ABCB5: variants seen among roughly 807,000 people sequenced by gnomAD.
ABCB5 encodes ATP binding cassette subfamily B member 5.
Under a neutral mutation model 144.2 loss-of-function variants are expected in ABCB5, and 155 were observed. The ratio of observed to expected loss-of-function variants is 1.08; its 90% confidence interval spans 0.94 to 1.23. The LOEUF is 1.23. ABCB5 is among the 50% of genes most tolerant of loss of function. ABCB5 has a pLI of 0.00. For missense variants in ABCB5, 1,830 were observed against 1,520.8 expected (o/e 1.20, Z -3.38); for synonymous variants, 610 against 528.6 (o/e 1.15, Z -2.11).
At chr7:20,686,037 G>A (rs17817152) in intron 16 of ABCB5, among the ~76,000 whole-genome samples, 6,068 of 152,100 alleles carry the variant, frequency 0.04, 138 homozygotes, top group Middle Eastern at 0.068. Context: ...TTATATCAGA[G>A]GCCCTTCTTT....
At chr7:20,651,318 A>G (rs927179428) in intron 12 of ABCB5, 102 bp from the exon 13 acceptor site, 2 of 1,043,558 alleles carry the variant, frequency 1.9e-6, no homozygotes, top group Admixed American at 2.4e-5. Context: ...TTTGATTTCT[A>G]AAATATGCTA....
intron 21 of ABCB5, among the ~76,000 whole-genome samples, chr7:20,724,834 G>A (rs1398887819): frequency 4.6e-5 from 7 of 151,906 alleles, no homozygotes; most frequent in South Asian, 2.1e-4. Context: ...CTGTAATCTC[G>A]TTTGCCTGAG....
intron 14 of ABCB5, among the ~76,000 whole-genome samples, 172 bp downstream of exon 14, chr7:20,658,848 A>T (rs1422762442): frequency 6.6e-6 from 1 of 152,160 alleles, no homozygotes; most frequent in Non-Finnish European, 1.5e-5. Flanking sequence ...AGTGGTTTAG[A>T]GGACAGAAGG....
At chr7:20,726,959 G>T (rs1782056265) in intron 21 of ABCB5, 81 bp from the exon 22 acceptor site, 1 of 914,076 alleles carries the variant, frequency 1.1e-6, no homozygotes, top group South Asian at 2.0e-5. Context: ...TGTCCCCAGT[G>T]TGAGTGACTA....
chr7:20,731,369 A>AAAAAAAAAATATATATATATAT (rs57305244), intron 23 of ABCB5, among the ~76,000 whole-genome samples: 4 of 123,104 alleles, frequency 3.2e-5, no homozygotes, highest in African/African-American at 1.3e-4. Flanking sequence ...AAAAAAAAAA[A>AAAAAAAAAATATATATATATAT]ATATATATAT....
chr7:20,717,315 A>T (rs747624857), intron 20 of ABCB5, among the ~76,000 whole-genome samples: 19 of 152,284 alleles, frequency 1.2e-4, no homozygotes, highest in Non-Finnish European at 2.4e-4. Flanking sequence ...TAGAAGCCCA[A>T]GAACAAGATG....
At chr7:20,697,208 G>T (rs1786449439) in intron 16 of ABCB5, among the ~76,000 whole-genome samples, 1 of 152,112 alleles carries the variant, frequency 6.6e-6, no homozygotes, top group Non-Finnish European at 1.5e-5. Context: ...ATAAATGTGG[G>T]TTAGCCACCC....
intron 18 of ABCB5, 21 bp downstream of exon 18, chr7:20,699,950 C>G (rs529521181): frequency 6.9e-6 from 11 of 1,601,142 alleles, no homozygotes; most frequent in Non-Finnish European, 9.4e-6. Flanking sequence ...AATAAACAAG[C>G]CTGAGCATGA....
At position 20,643,269 on chromosome 7, in the gene ABCB5, C is replaced by G. The variant is rs141511940; in HGVS notation, c.400C>G (p.Arg134Gly). 6.2e-7 allele frequency: 1 copy of G among 1,613,750 alleles called. No individual in the cohort carries two copies. Among genetic ancestry groups the G allele is most frequent in the Admixed American group, 1.7e-5 (1 of 59,958 alleles). ...TTCCTTGTGGATTATAACTGCAGCACGACAGACCAAGAGGATTCGAAAACA... is the reference window on the plus strand; with the variant it reads ...TTCCTTGTGGATTATAACTGCAGCAGGACAGACCAAGAGGATTCGAAAACA... ...QISLWIITAA[R>G]QTKRIRKQFF... Residue 134 changes from arginine (R) to glycine (G), a missense_variant, in exon 6 of 28, where the codon CGA becomes GGA. By Grantham distance (125) the Arg-to-Gly change is moderately radical (BLOSUM62 -2). Transcript: ENST00000404938.
chr7:20,699,777 C>A (rs772868327), intron 17 of ABCB5, 48 bp from the exon 18 acceptor site: 2 of 1,296,206 alleles, frequency 1.5e-6, no homozygotes, highest in Non-Finnish European at 2.1e-6. Flanking sequence ...TTTTCTGTTT[C>A]TTTTATATTT....
intron 20 of ABCB5, among the ~76,000 whole-genome samples, chr7:20,707,710 A>T (rs1238323181): frequency 6.6e-6 from 1 of 151,998 alleles, no homozygotes; most frequent in Non-Finnish European, 1.5e-5. Flanking sequence ...AATAAATCGT[A>T]AACATTTATT....
At chr7:20,683,156 C>G (rs1159168421) in intron 15 of ABCB5, among the ~76,000 whole-genome samples, 1 of 152,116 alleles carries the variant, frequency 6.6e-6, no homozygotes, top group East Asian at 1.9e-4. Flanking sequence ...AAGTTTATAA[C>G]TTCAAATTTC....
intron 14 of ABCB5, among the ~76,000 whole-genome samples, chr7:20,668,590 T>TTGGG (rs1220263603): frequency 9.0e-6 from 1 of 110,840 alleles, no homozygotes; most frequent in Admixed American, 8.7e-5. Flanking sequence ...GGGAGGGAGG[T>TTGGG]GGGGGGGGGG....
intron 1 of ABCB5, among the ~76,000 whole-genome samples, chr7:20,618,324 G>T (rs1488013458): frequency 6.6e-6 from 1 of 152,080 alleles, no homozygotes; most frequent in African/African-American, 2.4e-5. Context: ...TTGGGTTATT[G>T]TACTTACCAT....
chr7:20,755,718 A>G lies in ABCB5; in HGVS notation c.*94A>G. 1 of 1,088,356 alleles carries G rather than the reference A, an allele frequency of 9.2e-7. No individual in the cohort carries two copies. The highest frequency in any genetic ancestry group is 1.3e-6 in the Non-Finnish European group (1 of 741,356). The allele number at this position is 1,088,356 out of a possible 1,614,324, so 67.4% of individuals were successfully genotyped here. A position where few individuals can be genotyped will look rare whatever the true frequency, so the allele number is the denominator to read the frequency against. Reference sequence around the variant, plus strand: ...CAAGCTTTGATCTCTTTTATTGCATATATCAATACCTAGAATCATGCTACT... The same window carrying G: ...CAAGCTTTGATCTCTTTTATTGCATGTATCAATACCTAGAATCATGCTACT... On this transcript the variant is annotated 3_prime_UTR_variant, in exon 28 of 28. Coordinates refer to ENST00000404938, the MANE Select transcript of ABCB5 (RefSeq NM_001163941.2).
intron 20 of ABCB5, among the ~76,000 whole-genome samples, chr7:20,720,812 T>C (rs534598607): frequency 0.014 from 2,154 of 151,398 alleles, 44 homozygotes; most frequent in African/African-American, 0.05. Context: ...GGCATGGTGG[T>C]GCGCGCCTGT....
intron 4 of ABCB5, 29 bp from the exon 5 acceptor site, chr7:20,632,030 C>G (rs919067784): frequency 1.8e-5 from 26 of 1,414,050 alleles, no homozygotes; most frequent in Non-Finnish European, 2.4e-5. Context: ...AATTAATTTC[C>G]TCTATATTTT....
chr7:20,701,585 G>A lies in ABCB5; in HGVS notation c.2337+1450G>A, dbSNP rs543869731. ...CTGTGGTTAATCTAGTATTTTGATGGTTAATACTGGACATTAATCCTCTGT... is the reference window on the plus strand; with the variant it reads ...CTGTGGTTAATCTAGTATTTTGATGATTAATACTGGACATTAATCCTCTGT... On this transcript the variant is annotated intron_variant, in intron 19 of 27. Coordinates refer to ENST00000404938, the MANE Select transcript of ABCB5 (RefSeq NM_001163941.2). Among the ~76,000 whole-genome samples, 5 of 152,222 alleles carry A rather than the reference G, an allele frequency of 3.3e-5. No homozygotes were observed. In the South Asian group the frequency reaches 1.0e-3, roughly 32 times the overall value.
chr7:20,670,404 C>A (rs1548642), intron 14 of ABCB5, among the ~76,000 whole-genome samples: 1 of 151,144 alleles, frequency 6.6e-6, no homozygotes, highest in African/African-American at 2.4e-5. Context: ...AAAAGGTTGA[C>A]GTTAACAGCA....
Sources: allele counts gnomAD v4.1 joint callset (sites outside exome capture counted in the v4.1 genomes callset), GRCh38; gene constraint gnomAD v4.1.1; transcripts MANE v1.5; gene names NCBI Gene and HGNC (gene_info 2026-07-23, HGNC 2026-07-21).